LRRC4C: variants seen among roughly 807,000 people sequenced by gnomAD.
LRRC4C encodes the protein leucine-rich repeat-containing protein 4C.
In LRRC4C, 5 loss-of-function variants were observed where a neutral mutation model predicts 33.6. The ratio of observed to expected loss-of-function variants is 0.15; its 90% CI spans 0.08 to 0.31. The LOEUF is 0.31. Ranked by LOEUF, LRRC4C falls within the 10% of genes least tolerant of loss-of-function variation. The probability of loss-of-function intolerance (pLI) is 1.00; values close to 1 mark genes in which losing one functional copy is unlikely to be tolerated. For synonymous variants in LRRC4C, 329 were observed against 302.0 expected, an observed-to-expected ratio of 1.09 and a Z score of -0.93; for missense variants, 560 against 796.7, an observed-to-expected ratio of 0.70 and a Z score of 3.58.
intron 2 of LRRC4C, among the ~76,000 whole-genome samples, chr11:40,770,994 G>A (rs147212722): frequency 2.0e-5 from 3 of 152,268 alleles, no homozygotes; most frequent in Admixed American, 2.0e-4. Context: ...ACCGTTCTAG[G>A]ATCTGGAGAA....
chr11:40,269,813 G>T (rs1416415444), intron 4 of LRRC4C, among the ~76,000 whole-genome samples: 1 of 151,468 alleles, frequency 6.6e-6, no homozygotes, highest in East Asian at 1.9e-4. Context: ...ACTCAAATTA[G>T]GGGCGGGGGC....
intron 1 of LRRC4C, among the ~76,000 whole-genome samples, chr11:41,170,316 A>G (rs938109611): frequency 1.3e-5 from 2 of 152,174 alleles, no homozygotes; most frequent in African/African-American, 4.8e-5. Context: ...AAGCCAAAAG[A>G]ACAAAGCTGG....
chr11:41,034,433 AACAC>A (rs3067314), intron 1 of LRRC4C, among the ~76,000 whole-genome samples: 78,462 of 138,906 alleles, frequency 0.56, 22,432 homozygotes, highest in South Asian at 0.66. Context: ...GAACAATCCA[AACAC>A]ACACACACAC....
chr11:40,218,785 T>C (rs1283855075), intron 5 of LRRC4C, among the ~76,000 whole-genome samples: 1 of 151,304 alleles, frequency 6.6e-6, no homozygotes, highest in Non-Finnish European at 1.5e-5. Context: ...AGGGTAGAGT[T>C]CCTGATTCCC....
intron 2 of LRRC4C, among the ~76,000 whole-genome samples, chr11:40,707,423 C>T (rs1242802489): frequency 6.6e-6 from 1 of 152,060 alleles, no homozygotes; most frequent in East Asian, 1.9e-4. Context: ...GCATGAAGGG[C>T]TGTTGAATTT....
intron 1 of LRRC4C, among the ~76,000 whole-genome samples, chr11:41,310,346 A>G (rs528718798): frequency 1.3e-3 from 201 of 152,332 alleles, no homozygotes; most frequent in African/African-American, 4.5e-3. Flanking sequence ...GGCTTAACAA[A>G]TGTCTCCGAC....
intron 2 of LRRC4C, among the ~76,000 whole-genome samples, chr11:40,706,603 G>T (rs541971086): frequency 6.6e-6 from 1 of 152,240 alleles, no homozygotes; most frequent in African/African-American, 2.4e-5. Context: ...TGCTGTTTTG[G>T]TTACTGTAGG....
intron 1 of LRRC4C, among the ~76,000 whole-genome samples, chr11:41,013,083 A>T (rs1565300608): frequency 6.6e-6 from 1 of 152,216 alleles, no homozygotes; most frequent in Non-Finnish European, 1.5e-5. Flanking sequence ...TTTAAGGAAG[A>T]CAATGTAGGT....
At chr11:41,076,178 T>C (rs1433492239) in intron 1 of LRRC4C, among the ~76,000 whole-genome samples, 2 of 152,164 alleles carry the variant, frequency 1.3e-5, no homozygotes, top group Admixed American at 1.3e-4. Context: ...CTGAACCTCA[T>C]ATTCAATTTT....
chr11:40,493,007 A>G (rs1323019153), intron 3 of LRRC4C, among the ~76,000 whole-genome samples: 2 of 151,900 alleles, frequency 1.3e-5, no homozygotes, highest in Non-Finnish European at 2.9e-5. Flanking sequence ...AGTGGAAAAC[A>G]GTGGCAAGAT....
At chr11:40,701,176 G>A (rs11036029) in intron 2 of LRRC4C, among the ~76,000 whole-genome samples, 23,183 of 152,084 alleles carry the variant, frequency 0.15, 1,847 homozygotes, top group South Asian at 0.17. Flanking sequence ...TCTGTTTCAA[G>A]GAGTCACTCT....
chr11:40,784,688 T>C (rs757367616), intron 2 of LRRC4C, among the ~76,000 whole-genome samples: 1 of 152,220 alleles, frequency 6.6e-6, no homozygotes, highest in African/African-American at 2.4e-5. Context: ...ATTTGAAAGA[T>C]TCATCCTATC....
intron 1 of LRRC4C, among the ~76,000 whole-genome samples, chr11:40,995,528 G>A (rs772427743): frequency 3.3e-5 from 5 of 152,076 alleles, no homozygotes; most frequent in Middle Eastern, 3.4e-3. Context: ...TTCTAATCAC[G>A]TCTAATCCAT....
At chr11:41,337,519 A>G (rs2137432384) in intron 1 of LRRC4C, among the ~76,000 whole-genome samples, 1 of 152,238 alleles carries the variant, frequency 6.6e-6, no homozygotes, top group East Asian at 1.9e-4. Context: ...CCTCCCTTAC[A>G]CCTTATAAAA....
At chr11:41,395,131 A>T (rs140508014) in intron 1 of LRRC4C, among the ~76,000 whole-genome samples, 4,331 of 152,094 alleles carry the variant, frequency 0.028, 236 homozygotes, top group African/African-American at 0.099. Flanking sequence ...GGGTACAGAC[A>T]CTGGCAGAGT....
At chr11:40,370,897 T>C (rs543996540) in intron 3 of LRRC4C, among the ~76,000 whole-genome samples, 2 of 152,340 alleles carry the variant, frequency 1.3e-5, no homozygotes. Flanking sequence ...AGGATTTTTA[T>C]AGGCCCACCT....
intron 1 of LRRC4C, among the ~76,000 whole-genome samples, chr11:41,133,592 C>G (rs1943120288): frequency 6.6e-6 from 1 of 150,952 alleles, no homozygotes; most frequent in African/African-American, 2.4e-5. Context: ...GGACAAACCT[C>G]ATTATACTCC....
intron 2 of LRRC4C, among the ~76,000 whole-genome samples, chr11:40,651,884 C>A (rs1306699785): frequency 6.6e-6 from 1 of 151,968 alleles, no homozygotes; most frequent in Non-Finnish European, 1.5e-5. Flanking sequence ...TTGGATTTTC[C>A]TTTGAAGTGG....
intron 3 of LRRC4C, among the ~76,000 whole-genome samples, chr11:40,418,367 C>T (rs1950403181): frequency 6.6e-6 from 1 of 152,116 alleles, no homozygotes; most frequent in African/African-American, 2.4e-5. Flanking sequence ...AAAAGCTCAT[C>T]ATCTCTGATC....
Sources: gnomAD v4.1 joint callset for allele counts (sites outside exome capture counted in the v4.1 genomes callset) on GRCh38, gnomAD v4.1.1 for gene constraint, MANE v1.5 for transcripts, NCBI Gene and HGNC (gene_info 2026-07-23, HGNC 2026-07-21) for gene names.